The following SLC4A10 variants were observed in gnomAD, a reference collection of about 807,000 sequenced individuals.
SLC4A10 encodes solute carrier family 4 member 10, also known as sodium-driven chloride bicarbonate exchanger.
SLC4A10 carries 42 observed loss-of-function variants against 137.7 expected under a neutral mutation model. That is an observed-to-expected ratio of 0.30 (90% CI 0.24 to 0.39). The LOEUF (loss-of-function observed/expected upper bound fraction) is 0.39. SLC4A10 is among the 10% of genes least tolerant of loss of function. The pLI is 1.00. For synonymous variants in SLC4A10, 474 were observed against 464.1 expected, an observed-to-expected ratio of 1.02 and a Z score of -0.27; for missense variants, 925 against 1,355.0, an observed-to-expected ratio of 0.68 and a Z score of 4.98.
intron 23 of SLC4A10, among the ~76,000 whole-genome samples, chr2:161,967,008 C>T (rs894718791): frequency 6.6e-6 from 1 of 152,144 alleles, no homozygotes; most frequent in African/African-American, 2.4e-5. Context: ...AAGCTCTTGG[C>T]TGTGAGCTTG....
intron 4 of SLC4A10, among the ~76,000 whole-genome samples, chr2:161,844,463 C>T (rs1056710131): frequency 1.3e-5 from 2 of 152,082 alleles, no homozygotes; most frequent in Non-Finnish European, 2.9e-5. Context: ...TCTAGCTCCA[C>T]CCCAGCCATG....
At chr2:161,933,314 TTC>T (rs1029010057) in intron 15 of SLC4A10, among the ~76,000 whole-genome samples, 5 of 150,726 alleles carry the variant, frequency 3.3e-5, no homozygotes, top group African/African-American at 9.8e-5. Context: ...TTTTCTTTAT[TTC>T]TCTCTCTTTT....
chr2:161,698,871 T>A (rs1477265478), intron 1 of SLC4A10, among the ~76,000 whole-genome samples: 1 of 152,148 alleles, frequency 6.6e-6, no homozygotes, highest in Non-Finnish European at 1.5e-5. Flanking sequence ...TGGAGTAGTT[T>A]CAGAAGGAAT....
intron 23 of SLC4A10, among the ~76,000 whole-genome samples, chr2:161,965,675 C>T (rs1384897363): frequency 1.3e-5 from 2 of 152,056 alleles, no homozygotes; most frequent in African/African-American, 4.8e-5. Context: ...ATCTGATTTG[C>T]TTTCAAAGTG....
chr2:161,967,029 T>A (rs1369107936), intron 23 of SLC4A10, among the ~76,000 whole-genome samples: 1 of 152,204 alleles, frequency 6.6e-6, no homozygotes, highest in Non-Finnish European at 1.5e-5. Context: ...CCTTTCAGTC[T>A]TTTTGATAAT....
At chr2:161,969,300 C>A (rs1698119896) in intron 23 of SLC4A10, among the ~76,000 whole-genome samples, 1 of 152,148 alleles carries the variant, frequency 6.6e-6, no homozygotes, top group Non-Finnish European at 1.5e-5. Context: ...GGTCGCAGAG[C>A]TTCTGTTCCA....
chr2:161,964,767 G>A (rs1575884333), intron 22 of SLC4A10, among the ~76,000 whole-genome samples: 1 of 152,018 alleles, frequency 6.6e-6, no homozygotes. Context: ...TTAACTACAT[G>A]TATTTAAGGA....
rs1310078121 is a variant in SLC4A10 at position 161,792,832 on chromosome 2, C to CA, written c.131-11615dup. ...AAGGAGGTTTAGATACTGGTGCTGTCAATAGGGTGCTTGAGTTCTAGAACC... is the reference window on the plus strand; with the variant it reads ...AAGGAGGTTTAGATACTGGTGCTGTCAAATAGGGTGCTTGAGTTCTAGAACC... On this transcript the variant is annotated intron_variant, in intron 2 of 26. Transcript: ENST00000446997. Among the ~76,000 whole-genome samples the CA allele has an allele frequency of 2.6e-5, 4 of 152,138 alleles. No individual in the cohort carries two copies. In the South Asian group the frequency reaches 6.2e-4, roughly 24 times the overall value.
chr2:161,892,310 T>C (rs145371590), intron 10 of SLC4A10, among the ~76,000 whole-genome samples: 300 of 152,162 alleles, frequency 2.0e-3, no homozygotes, highest in East Asian at 8.9e-3. Context: ...TAAACTCTCA[T>C]TGAGGACTAA....
intron 15 of SLC4A10, among the ~76,000 whole-genome samples, chr2:161,915,776 G>A (rs934978602): frequency 6.6e-6 from 1 of 152,200 alleles, no homozygotes; most frequent in African/African-American, 2.4e-5. Flanking sequence ...AGTAAATGGG[G>A]CACCTTGTCA....
chr2:161,900,472 ATC>A (rs1265952993), intron 11 of SLC4A10, among the ~76,000 whole-genome samples: 2 of 151,938 alleles, frequency 1.3e-5, no homozygotes, highest in East Asian at 3.9e-4. Flanking sequence ...CCACATCCTG[ATC>A]TCTCTCTTTG....
chr2:161,749,419 G>A (rs1261630468), intron 1 of SLC4A10, among the ~76,000 whole-genome samples: 2 of 151,822 alleles, frequency 1.3e-5, no homozygotes. Flanking sequence ...TTCATAAATG[G>A]CCTTTATTAT....
chr2:161,950,271 T>A (rs369978669), intron 18 of SLC4A10, among the ~76,000 whole-genome samples: 1 of 152,170 alleles, frequency 6.6e-6, no homozygotes, highest in Non-Finnish European at 1.5e-5. Context: ...TGTGTCAATA[T>A]GCTATTTGTA....
chr2:161,799,641 A>T (rs1358849367), intron 2 of SLC4A10, among the ~76,000 whole-genome samples: 5 of 152,010 alleles, frequency 3.3e-5, no homozygotes, highest in Non-Finnish European at 7.4e-5. Context: ...TCTACCATGT[A>T]ACAGGCATTG....
At chr2:161,871,928 C>T (rs969516134) in intron 6 of SLC4A10, among the ~76,000 whole-genome samples, 1 of 152,092 alleles carries the variant, frequency 6.6e-6, no homozygotes, top group Non-Finnish European at 1.5e-5. Context: ...GAGCTTACAT[C>T]TTAACAGATG....
chr2:161,765,731 A>C (rs2050735727), intron 1 of SLC4A10, among the ~76,000 whole-genome samples: 1 of 152,114 alleles, frequency 6.6e-6, no homozygotes, highest in African/African-American at 2.4e-5. Flanking sequence ...AAATGAGCAA[A>C]TACATGTGGA....
chr2:161,688,643 G>A (rs1574356415), intron 1 of SLC4A10, among the ~76,000 whole-genome samples: 1 of 152,242 alleles, frequency 6.6e-6, no homozygotes, highest in East Asian at 1.9e-4. Flanking sequence ...ATTAACTAAA[G>A]TATCTCTTTT....
chr2:161,864,452 A>G (rs1462942409), intron 6 of SLC4A10, among the ~76,000 whole-genome samples: 2 of 152,302 alleles, frequency 1.3e-5, no homozygotes, highest in East Asian at 1.9e-4. Context: ...ACATAAAAAT[A>G]TAGGGTAAAT....
chr2:161,965,268 T>G, intron 23 of SLC4A10, 95 bp downstream of exon 23: 1 of 1,342,852 alleles, frequency 7.4e-7, no homozygotes, highest in Non-Finnish European at 1.0e-6. Flanking sequence ...TTTAGACAGT[T>G]TTGTCTTTAG....
Sources: allele counts gnomAD v4.1 joint callset (sites outside exome capture counted in the v4.1 genomes callset), GRCh38; gene constraint gnomAD v4.1.1; transcripts MANE v1.5; gene names NCBI Gene and HGNC (gene_info 2026-07-23, HGNC 2026-07-21).